LHPP: variants seen among roughly 807,000 people sequenced by gnomAD.
LHPP encodes the protein phospholysine phosphohistidine inorganic pyrophosphate phosphatase.
In LHPP, 24 loss-of-function variants were observed where a neutral mutation model predicts 30.3. That is an observed-to-expected ratio of 0.79 (90% CI 0.57 to 1.11). The LOEUF (loss-of-function observed/expected upper bound fraction) is 1.11, where lower values mean the gene tolerates loss of function less well. LHPP is among the 50% of genes most tolerant of loss of function. The probability of loss-of-function intolerance (pLI) is 0.00; values close to 1 mark genes in which losing one functional copy is unlikely to be tolerated. For synonymous variants in LHPP, 150 were observed against 157.1 expected, an observed-to-expected ratio of 0.95 and a Z score of 0.34; for missense variants, 356 against 367.2, an observed-to-expected ratio of 0.97 and a Z score of 0.25.
chr10:124,609,253 T>C (rs1949134535), intron 6 of LHPP, among the ~76,000 whole-genome samples: 1 of 152,200 alleles, frequency 6.6e-6, no homozygotes. Flanking sequence ...ATATGTGGCT[T>C]CTCTTTCTTT....
chr10:124,611,554 C>A (rs1949198218), intron 6 of LHPP, among the ~76,000 whole-genome samples: 1 of 150,792 alleles, frequency 6.6e-6, no homozygotes, highest in Non-Finnish European at 1.5e-5. Flanking sequence ...GGGACCTGGA[C>A]AAGAGCCAAA....
At chr10:124,504,676 G>A (rs1175118726) in intron 5 of LHPP, among the ~76,000 whole-genome samples, 1 of 151,908 alleles carries the variant, frequency 6.6e-6, no homozygotes, top group Non-Finnish European at 1.5e-5. Flanking sequence ...GGAAGAGAGG[G>A]GAGGAGACGA....
At chr10:124,588,571 G>A (rs958630562) in intron 6 of LHPP, among the ~76,000 whole-genome samples, 9 of 152,238 alleles carry the variant, frequency 5.9e-5, no homozygotes, top group Admixed American at 4.6e-4. Context: ...CACAGTGCCC[G>A]GCCCAGCTTT....
chr10:124,597,093 G>A (rs180881208), intron 6 of LHPP, among the ~76,000 whole-genome samples: 44 of 152,294 alleles, frequency 2.9e-4, no homozygotes, highest in Middle Eastern at 3.4e-3. Context: ...CAGACTCCAG[G>A]TTCTTTGACC....
At chr10:124,580,359 A>T (rs1470247219) in intron 6 of LHPP, among the ~76,000 whole-genome samples, 1 of 152,236 alleles carries the variant, frequency 6.6e-6, no homozygotes, top group Non-Finnish European at 1.5e-5. Flanking sequence ...AGAAAGAAGG[A>T]TATTCTACAT....
chr10:124,520,355 G>A (rs1475318023), intron 6 of LHPP, among the ~76,000 whole-genome samples: 1 of 151,604 alleles, frequency 6.6e-6, no homozygotes, highest in Non-Finnish European at 1.5e-5. Context: ...TTCAGATGCT[G>A]TAGGAAAGGA....
At chr10:124,603,226 C>T (rs1409052798) in intron 6 of LHPP, among the ~76,000 whole-genome samples, 3 of 152,164 alleles carry the variant, frequency 2.0e-5, no homozygotes, top group Non-Finnish European at 4.4e-5. Context: ...AAGGCGGGCA[C>T]GGGTGGTTTG....
chr10:124,529,813 G>GCGCA (rs146112847), intron 6 of LHPP, among the ~76,000 whole-genome samples: 21 of 147,188 alleles, frequency 1.4e-4, no homozygotes, highest in African/African-American at 4.2e-4. Context: ...ACACACACAC[G>GCGCA]CACACACACA....
intron 6 of LHPP, among the ~76,000 whole-genome samples, chr10:124,606,482 G>A (rs185554998): frequency 1.5e-3 from 134 of 89,356 alleles, no homozygotes; most frequent in Middle Eastern, 5.2e-3. Context: ...GCAGATGGTG[G>A]AGGTGGGAGG....
chr10:124,575,506 C>T (rs151295866), intron 6 of LHPP, among the ~76,000 whole-genome samples: 3 of 152,118 alleles, frequency 2.0e-5, no homozygotes, highest in Non-Finnish European at 2.9e-5. Flanking sequence ...TCCTAGGATG[C>T]GTCAGCCCCT....
At chr10:124,586,214 A>G (rs998182300) in intron 6 of LHPP, among the ~76,000 whole-genome samples, 3 of 152,062 alleles carry the variant, frequency 2.0e-5, no homozygotes, top group Non-Finnish European at 4.4e-5. Context: ...CACCCACCCT[A>G]GCAGCTGTTC....
intron 6 of LHPP, among the ~76,000 whole-genome samples, chr10:124,602,813 C>T (rs10794162): frequency 0.47 from 71,194 of 151,936 alleles, 17,110 homozygotes; most frequent in East Asian, 0.68. Context: ...GGGGGCCAGA[C>T]CACCAGGAGA....
chr10:124,528,154 C>G (rs1954793091), intron 6 of LHPP, among the ~76,000 whole-genome samples: 1 of 152,260 alleles, frequency 6.6e-6, no homozygotes, highest in African/African-American at 2.4e-5. Context: ...AAGCTCGGCC[C>G]CTAGAGTGAG....
At chr10:124,539,135 A>G (rs1955112416) in intron 6 of LHPP, among the ~76,000 whole-genome samples, 1 of 152,152 alleles carries the variant, frequency 6.6e-6, no homozygotes, top group African/African-American at 2.4e-5. Context: ...AGGACCCCCA[A>G]GTTTTTCCTG....
chr10:124,462,055 C>A, intron 1 of LHPP, 68 bp downstream of exon 1: 1 of 1,175,900 alleles, frequency 8.5e-7, no homozygotes, highest in Non-Finnish European at 1.1e-6. Context: ...TGGCTGCCGG[C>A]AGGGGGCGGG....
Position 124,512,338 on chromosome 10 carries a change from C to T in LHPP, c.625-4842C>T, listed in dbSNP as rs112376949. 6.5e-3 allele frequency among the ~76,000 whole-genome samples: 989 copies of T among 152,180 alleles called. 8 individuals are homozygous for T. Among genetic ancestry groups the T allele is most frequent in the African/African-American group, 0.012 (506 of 41,526 alleles). ...TGTTTCCTTTGTAACATGTTTAGGC[C>T]GGGCGCGGTGGCTCACACCTGTAAT... On this transcript the variant is annotated intron_variant, in intron 5 of 6. Coordinates refer to ENST00000368842, the MANE Select transcript of LHPP (RefSeq NM_022126.4).
chr10:124,555,897 T>C (rs933756030), intron 6 of LHPP, among the ~76,000 whole-genome samples: 3 of 152,172 alleles, frequency 2.0e-5, no homozygotes, highest in African/African-American at 7.2e-5. Context: ...CCTCAGGCCA[T>C]ATTCCCCCTT....
intron 6 of LHPP, among the ~76,000 whole-genome samples, chr10:124,533,144 G>C (rs186895647): frequency 6.6e-6 from 1 of 152,320 alleles, no homozygotes; most frequent in East Asian, 1.9e-4. Flanking sequence ...ACGGCCTGGG[G>C]TTGTCAGCCT....
chr10:124,552,119 G>T (rs12763659), intron 6 of LHPP, among the ~76,000 whole-genome samples: 3 of 151,816 alleles, frequency 2.0e-5, no homozygotes, highest in African/African-American at 7.3e-5. Context: ...ACTCCAGGCT[G>T]CCCCTGCCCT....
Sources: gnomAD v4.1 joint callset for allele counts (sites outside exome capture counted in the v4.1 genomes callset) on GRCh38, gnomAD v4.1.1 for gene constraint, MANE v1.5 for transcripts, NCBI Gene and HGNC (gene_info 2026-07-23, HGNC 2026-07-21) for gene names.